SAMD5: variants seen among roughly 807,000 people sequenced by gnomAD.
SAMD5 encodes sterile alpha motif domain-containing protein 5.
In SAMD5, 13 loss-of-function variants were observed where a neutral mutation model predicts 11.3. The ratio of observed to expected loss-of-function variants is 1.15; its 90% confidence interval spans 0.75 to 1.83. The LOEUF (loss-of-function observed/expected upper bound fraction) is 1.83, where lower values mean the gene tolerates loss of function less well. Ranked by LOEUF, SAMD5 falls within the 40% of genes most tolerant of loss-of-function variation. The probability of loss-of-function intolerance (pLI) is 0.00; values close to 1 mark genes in which losing one functional copy is unlikely to be tolerated. For missense variants in SAMD5, 255 were observed against 239.1 expected (o/e 1.07, Z -0.44); for synonymous variants, 129 against 111.3 (o/e 1.16, Z -1.00).
At chr6:147,744,860 T>C in the SAMD5 span, among the ~76,000 whole-genome samples, 3 of 149,638 alleles carry the variant, frequency 2.0e-5, no homozygotes, top group Admixed American at 6.6e-5. Context: ...ATCACACCAC[T>C]GCACTCCAGC....
intron 1 of SAMD5, among the ~76,000 whole-genome samples, chr6:147,527,989 G>A (rs376089165): frequency 3.9e-5 from 6 of 152,002 alleles, no homozygotes; most frequent in Admixed American, 1.3e-4. Context: ...GAGCGCGTAC[G>A]GGGAGGTGCC....
chr6:147,633,310 C>T (rs114432981), intron 1 of SAMD5, among the ~76,000 whole-genome samples: 3 of 152,092 alleles, frequency 2.0e-5, no homozygotes, highest in Admixed American at 1.3e-4. Flanking sequence ...AAAATTCCAG[C>T]GGGCACCGCC....
intron 1 of SAMD5, among the ~76,000 whole-genome samples, chr6:147,730,901 A>G (rs556598861): frequency 6.6e-6 from 1 of 152,240 alleles, no homozygotes; most frequent in South Asian, 2.1e-4. Flanking sequence ...GTTTTAATGG[A>G]GGTGGTGTTG....
At chr6:147,570,207 A>ATT (rs1789115716), downstream of SAMD5, among the ~76,000 whole-genome samples, 1 of 152,168 alleles carries the variant, frequency 6.6e-6, no homozygotes, top group Non-Finnish European at 1.5e-5. Context: ...AGTGAAATAA[A>ATT]TCCATCTTAC....
At chr6:147,720,798 C>T (rs1470023355) in intron 1 of SAMD5, among the ~76,000 whole-genome samples, 8 of 149,984 alleles carry the variant, frequency 5.3e-5, no homozygotes, top group Non-Finnish European at 1.5e-5. Context: ...GCTGCACCCA[C>T]TAACTCGTCA....
chr6:147,715,268 CAGTGAGG>C (rs1052945295), intron 1 of SAMD5, among the ~76,000 whole-genome samples: 7 of 152,210 alleles, frequency 4.6e-5, no homozygotes, highest in African/African-American at 1.7e-4. Flanking sequence ...AGGCGCAGAG[CAGTGAGG>C]AGTTTGAGAG....
At chr6:147,660,524 C>T (rs1369903078) in intron 1 of SAMD5, among the ~76,000 whole-genome samples, 1 of 152,188 alleles carries the variant, frequency 6.6e-6, no homozygotes, top group African/African-American at 2.4e-5. Flanking sequence ...TATTGTTTGG[C>T]TCTGTGTCCC....
chr6:147,812,954 A>ACC, the SAMD5 span, among the ~76,000 whole-genome samples: 1 of 152,246 alleles, frequency 6.6e-6, no homozygotes, highest in Admixed American at 6.5e-5. Context: ...TTGGCTTCAC[A>ACC]CCACTGATAA....
At chr6:147,601,526 G>A (rs1293643842) in intron 1 of SAMD5, among the ~76,000 whole-genome samples, 1 of 152,126 alleles carries the variant, frequency 6.6e-6, no homozygotes, top group Non-Finnish European at 1.5e-5. Context: ...GTTTTAGAGA[G>A]TAGGAACTTT....
the SAMD5 span, among the ~76,000 whole-genome samples, chr6:147,830,968 A>C: frequency 6.6e-6 from 1 of 152,226 alleles, no homozygotes; most frequent in Non-Finnish European, 1.5e-5. Context: ...TGTACCAAGG[A>C]ATTATTCAAG....
chr6:147,917,085 C>A, the SAMD5 span, among the ~76,000 whole-genome samples: 1 of 95,824 alleles, frequency 1.0e-5, no homozygotes, highest in Non-Finnish European at 2.0e-5. Context: ...AATGGGATGG[C>A]TGGGTCAAAT....
intron 1 of SAMD5, among the ~76,000 whole-genome samples, chr6:147,549,288 T>A (rs1706355656): frequency 6.6e-6 from 1 of 152,178 alleles, no homozygotes; most frequent in African/African-American, 2.4e-5. Context: ...TCAACCAGCA[T>A]CACATAGGTG....
At chr6:147,939,371 G>A in the SAMD5 span, among the ~76,000 whole-genome samples, 5 of 152,182 alleles carry the variant, frequency 3.3e-5, no homozygotes, top group East Asian at 5.8e-4. Flanking sequence ...GAGGGTGGGT[G>A]TGGAAGGGAA....
the SAMD5 span, among the ~76,000 whole-genome samples, chr6:147,910,055 A>G: frequency 6.6e-6 from 1 of 152,172 alleles, no homozygotes; most frequent in Non-Finnish European, 1.5e-5. Context: ...TAGTTTTCAT[A>G]GAACTTCAGG....
chr6:147,833,941 C>A, the SAMD5 span, among the ~76,000 whole-genome samples: 3,581 of 152,216 alleles, frequency 0.024, 61 homozygotes, highest in Non-Finnish European at 0.032. Flanking sequence ...TGGAATGGGT[C>A]AGATAATGAA....
chr6:147,868,256 G>A, the SAMD5 span, among the ~76,000 whole-genome samples: 10 of 152,152 alleles, frequency 6.6e-5, no homozygotes, highest in Admixed American at 6.6e-4. Flanking sequence ...TTAGTTTGAG[G>A]TCATTATATG....
At chr6:147,570,867 T>A (rs377724714), downstream of SAMD5, among the ~76,000 whole-genome samples, 1 of 152,206 alleles carries the variant, frequency 6.6e-6, no homozygotes, top group Non-Finnish European at 1.5e-5. Flanking sequence ...GTTTGTGGCA[T>A]GCCCATGATA....
intron 1 of SAMD5, among the ~76,000 whole-genome samples, chr6:147,629,198 T>C (rs2128451150): frequency 6.6e-6 from 1 of 152,216 alleles, no homozygotes; most frequent in African/African-American, 2.4e-5. Context: ...TAATCTCAGC[T>C]ACTCAGGAGG....
chr6:147,877,923 C>A, the SAMD5 span, among the ~76,000 whole-genome samples: 116,715 of 121,784 alleles, frequency 0.96, 55,943 homozygotes, highest in East Asian at 0.98. Context: ...AGCTAGCTAG[C>A]TAGATAGATA....
Sources: gnomAD v4.1 joint callset for allele counts (sites outside exome capture counted in the v4.1 genomes callset) on GRCh38, gnomAD v4.1.1 for gene constraint, MANE v1.5 for transcripts, NCBI Gene and HGNC (gene_info 2026-07-23, HGNC 2026-07-21) for gene names.